Variants in SPAG16 observed in about 807,000 individuals in gnomAD.
SPAG16 encodes sperm associated antigen 16, also known as sperm-associated antigen 16 protein.
Under a neutral mutation model 80.4 loss-of-function variants are expected in SPAG16, and 86 were observed. The observed-to-expected ratio is 1.07, with a 90% CI of 0.90 to 1.28. The LOEUF (loss-of-function observed/expected upper bound fraction) is 1.28, where lower values mean the gene tolerates loss of function less well. SPAG16 is among the 50% of genes most tolerant of loss of function. SPAG16 has a pLI of 0.00. For synonymous variants in SPAG16, 294 were observed against 265.9 expected (o/e 1.11, Z -1.03); for missense variants, 870 against 765.3 (o/e 1.14, Z -1.61).
At chr2:213,472,607 CT>C (rs1408275279) in intron 9 of SPAG16, among the ~76,000 whole-genome samples, 1 of 152,158 alleles carries the variant, frequency 6.6e-6, no homozygotes, top group Non-Finnish European at 1.5e-5. Context: ...CATAATAGCC[CT>C]CACCTTACCT....
At chr2:213,976,496 A>G (rs1372249529) in intron 12 of SPAG16, among the ~76,000 whole-genome samples, 2 of 152,114 alleles carry the variant, frequency 1.3e-5, no homozygotes, top group Non-Finnish European at 2.9e-5. Context: ...ACTTGCAGAT[A>G]TAATTAAGGT....
intron 10 of SPAG16, among the ~76,000 whole-genome samples, chr2:213,676,952 G>T (rs1366462346): frequency 1.3e-5 from 2 of 151,620 alleles, no homozygotes; most frequent in African/African-American, 4.8e-5. Flanking sequence ...AGTTTCAGAA[G>T]GAATGGTACC....
intron 9 of SPAG16, among the ~76,000 whole-genome samples, chr2:213,393,264 C>G (rs959377325): frequency 6.6e-6 from 1 of 151,468 alleles, no homozygotes; most frequent in East Asian, 1.9e-4. Context: ...CTTACATTAG[C>G]TATATTTCAA....
At chr2:213,559,736 G>T (rs2059543510) in intron 10 of SPAG16, among the ~76,000 whole-genome samples, 1 of 151,858 alleles carries the variant, frequency 6.6e-6, no homozygotes, top group Admixed American at 6.6e-5. Context: ...AATAGTTTAA[G>T]GTTTCATAGA....
chr2:214,167,248 T>C (rs185939924), intron 15 of SPAG16, among the ~76,000 whole-genome samples: 1 of 152,216 alleles, frequency 6.6e-6, no homozygotes, highest in Non-Finnish European at 1.5e-5. Context: ...CTGGTGTCAT[T>C]GAATAGCCTC....
In SPAG16 at chr2:214,164,993, T is replaced by A. The variant is rs79841142; in HGVS notation, c.1720+15727T>A. On this transcript the variant is annotated intron_variant, in intron 15 of 15. Transcript: ENST00000331683. ...GTTCTGCTGAGGAGGAGATAGTTCA[T>A]GAGTTTGCTACTTTCTAGTTCCACA... 9.3e-3 allele frequency among the ~76,000 whole-genome samples: 1,423 copies of A among 152,260 alleles called. 17 individuals are homozygous for A. Among genetic ancestry groups the A allele is most frequent in the African/African-American group, 0.032 (1,348 of 41,584 alleles).
intron 14 of SPAG16, among the ~76,000 whole-genome samples, chr2:214,109,694 T>G (rs2053569087): frequency 6.6e-6 from 1 of 152,214 alleles, no homozygotes; most frequent in Admixed American, 6.5e-5. Context: ...TACATTTTAA[T>G]AGATTGGTCT....
intron 15 of SPAG16, among the ~76,000 whole-genome samples, chr2:214,202,451 A>G (rs550234178): frequency 6.6e-6 from 1 of 152,328 alleles, no homozygotes; most frequent in Admixed American, 6.5e-5. Flanking sequence ...GAAAACCTTC[A>G]GTAAGGTAAG....
At chr2:214,003,175 A>G (rs528923976) in intron 12 of SPAG16, among the ~76,000 whole-genome samples, 1 of 152,332 alleles carries the variant, frequency 6.6e-6, no homozygotes, top group East Asian at 1.9e-4. Flanking sequence ...GTACCACTGT[A>G]TTAGACCAGT....
chr2:213,302,789 G>T (rs1423795124), intron 3 of SPAG16, among the ~76,000 whole-genome samples: 1 of 152,074 alleles, frequency 6.6e-6, no homozygotes, highest in Admixed American at 6.6e-5. Context: ...ATGCTTCAAG[G>T]TGTGTGCATG....
Position 214,010,972 on chromosome 2 carries a change from C to G in SPAG16, c.1401-2979C>G, listed in dbSNP as rs1261889543. On this transcript the variant is annotated intron_variant, in intron 12 of 15. Coordinates refer to ENST00000331683, the MANE Select transcript of SPAG16 (RefSeq NM_024532.5). The stretch of plus-strand genomic sequence containing the variant: ...TAAAATAATATACTTTAATATTTTT[C>G]TTAATGTTATCTTTTAGATAGTGAT... 3.4e-5 allele frequency among the ~76,000 whole-genome samples: 5 copies of G among 145,016 alleles called. 2 individuals carry two copies. The highest frequency in any genetic ancestry group is 7.5e-5 in the Non-Finnish European group (5 of 66,942).
In SPAG16 at chr2:213,726,165, T is replaced by C. The variant is rs540730867; in HGVS notation, c.1071-136320T>C. Among the ~76,000 whole-genome samples the C allele has an allele frequency of 4.3e-4, 66 of 152,338 alleles. 1 individual carries two copies. In the Middle Eastern group the frequency reaches 0.014, roughly 31 times the overall value. On this transcript the variant is annotated intron_variant, in intron 10 of 15. Transcript: ENST00000331683. The stretch of plus-strand genomic sequence containing the variant: ...CACCTATGTGGCAGTCCAGAAATGA[T>C]GGGGCATTAAAACTTTCCAGGAGCA...
intron 12 of SPAG16, among the ~76,000 whole-genome samples, chr2:213,957,894 C>CATAA (rs2044229179): frequency 6.6e-6 from 1 of 152,090 alleles, no homozygotes; most frequent in African/African-American, 2.4e-5. Context: ...GGTAAGTGGC[C>CATAA]ATAAGCCAAG....
chr2:213,420,799 A>G (rs1400381184), intron 9 of SPAG16, among the ~76,000 whole-genome samples: 2 of 152,192 alleles, frequency 1.3e-5, no homozygotes, highest in Admixed American at 1.3e-4. Context: ...TAAAAAATTA[A>G]TCACTCTTTT....
At chr2:214,379,515 A>G (rs1700329114) in intron 15 of SPAG16, among the ~76,000 whole-genome samples, 1 of 152,156 alleles carries the variant, frequency 6.6e-6, no homozygotes, top group Admixed American at 6.5e-5. Flanking sequence ...TCTCCTTCTA[A>G]TACTCTCCAT....
intron 10 of SPAG16, among the ~76,000 whole-genome samples, chr2:213,552,350 C>T (rs553806892): frequency 9.8e-5 from 15 of 152,294 alleles, no homozygotes; most frequent in South Asian, 2.1e-4. Context: ...ACTTTCTTCC[C>T]GAGCCCTGCT....
rs2062335452 is a variant in SPAG16, at chr2:213,292,678, AAAAAAAC to A, written c.137-3379_137-3373del. 2.3e-5 allele frequency among the ~76,000 whole-genome samples: 3 copies of A among 128,202 alleles called. 1 individual carries two copies. Among genetic ancestry groups the A allele is most frequent in the African/African-American group, 8.8e-5 (3 of 34,044 alleles). The allele number at this position is 128,202 out of a possible 152,430, so 84.1% of individuals were successfully genotyped here. A position where few individuals can be genotyped will look rare whatever the true frequency, so the allele number is the denominator to read the frequency against. ...GACTCCGTCTCAAAAAAAAAAAACA[AAAAAAAC>A]AAAAAAAAACAAAACTATCAGAAAG... On this transcript the variant is annotated intron_variant, in intron 1 of 15. Transcript: ENST00000331683.
At chr2:213,784,626 T>TAAAA (rs71063777) in intron 10 of SPAG16, among the ~76,000 whole-genome samples, 1 of 47,934 alleles carries the variant, frequency 2.1e-5, no homozygotes, top group African/African-American at 7.0e-5. Context: ...CAATTATTTC[T>TAAAA]AAAAAAAAAA....
At chr2:213,567,253 C>CT (rs1419179199) in intron 10 of SPAG16, among the ~76,000 whole-genome samples, 1 of 123,178 alleles carries the variant, frequency 8.1e-6, no homozygotes, top group Non-Finnish European at 1.6e-5. Context: ...TTATTATACT[C>CT]TAAGTTTTAG....
Sources: gnomAD v4.1 joint callset for allele counts (sites outside exome capture counted in the v4.1 genomes callset) on GRCh38, gnomAD v4.1.1 for gene constraint, MANE v1.5 for transcripts, NCBI Gene and HGNC (gene_info 2026-07-23, HGNC 2026-07-21) for gene names.